KCNIP4: variants seen among roughly 807,000 people sequenced by gnomAD.
KCNIP4 encodes the protein Kv channel-interacting protein 4.
KCNIP4 carries 12 observed loss-of-function variants against 34.0 expected under a neutral mutation model. The observed-to-expected ratio is 0.35, with a 90% confidence interval of 0.23 to 0.57. The LOEUF is 0.57. Among genes scored for constraint, KCNIP4 ranks in the 20% least tolerant of loss-of-function variants. The pLI is 0.83. For synonymous variants in KCNIP4, 124 were observed against 102.2 expected (o/e 1.21, Z -1.29); for missense variants, 238 against 311.7 (o/e 0.76, Z 1.78).
chr4:21,489,518 C>A (rs1054049881), intron 1 of KCNIP4, among the ~76,000 whole-genome samples: 2 of 152,006 alleles, frequency 1.3e-5, no homozygotes, highest in African/African-American at 4.8e-5. Flanking sequence ...TCTTATTATT[C>A]TGTAGTCCCA....
intron 1 of KCNIP4, among the ~76,000 whole-genome samples, chr4:21,305,191 A>G (rs983071): frequency 0.055 from 8,319 of 152,222 alleles, 291 homozygotes; most frequent in Middle Eastern, 0.12. Context: ...AAAAGAAATG[A>G]GGCAAAAAGG....
At chr4:21,355,200 G>A (rs1202728006) in intron 1 of KCNIP4, among the ~76,000 whole-genome samples, 1 of 152,152 alleles carries the variant, frequency 6.6e-6, no homozygotes, top group African/African-American at 2.4e-5. Flanking sequence ...GAGAAAGCAG[G>A]AAAGGTCTAA....
intron 1 of KCNIP4, among the ~76,000 whole-genome samples, chr4:21,181,592 T>C (rs1228468521): frequency 6.6e-6 from 1 of 152,132 alleles, no homozygotes; most frequent in Non-Finnish European, 1.5e-5. Flanking sequence ...TATAATGAGC[T>C]GTGAAGCTTC....
intron 1 of KCNIP4, among the ~76,000 whole-genome samples, chr4:21,757,299 GAA>G (rs1717731435): frequency 6.7e-6 from 1 of 148,982 alleles, no homozygotes; most frequent in Non-Finnish European, 1.5e-5. Flanking sequence ...GAAAAGAAAA[GAA>G]AAGAGAAAAG....
chr4:21,386,861 C>A (rs74466727), intron 1 of KCNIP4, among the ~76,000 whole-genome samples: 1 of 152,262 alleles, frequency 6.6e-6, no homozygotes, highest in African/African-American at 2.4e-5. Context: ...GCCTCAAAAT[C>A]TTCAAGGAAA....
At chr4:20,983,980 T>TA in intron 1 of KCNIP4, 6 of 1,528,182 alleles carry the variant, frequency 3.9e-6, no homozygotes, top group Non-Finnish European at 5.2e-6. Flanking sequence ...TGGAGGGAGT[T>TA]AATTACAGAA....
At chr4:21,145,308 G>A (rs1018232300) in intron 1 of KCNIP4, among the ~76,000 whole-genome samples, 1 of 152,090 alleles carries the variant, frequency 6.6e-6, no homozygotes, top group Non-Finnish European at 1.5e-5. Flanking sequence ...GCAATGGAAG[G>A]TCTAACAAAT....
chr4:20,981,815 C>T (rs1316384165), intron 1 of KCNIP4, among the ~76,000 whole-genome samples: 1 of 152,160 alleles, frequency 6.6e-6, no homozygotes, highest in Non-Finnish European at 1.5e-5. Context: ...GAACATTTCA[C>T]ATAATATCTA....
chr4:21,646,507 A>AT (rs1188794504), intron 1 of KCNIP4, among the ~76,000 whole-genome samples: 1 of 152,232 alleles, frequency 6.6e-6, no homozygotes, highest in Non-Finnish European at 1.5e-5. Context: ...TCGCTATAGA[A>AT]TAGCGCTAAA....
intron 1 of KCNIP4, among the ~76,000 whole-genome samples, chr4:21,589,292 A>G (rs1481407827): frequency 2.1e-5 from 3 of 141,454 alleles, no homozygotes; most frequent in Admixed American, 7.0e-5. Flanking sequence ...ATACATATAT[A>G]TGTGTATAGA....
At chr4:21,861,249 A>G (rs964583215) in intron 1 of KCNIP4, among the ~76,000 whole-genome samples, 5 of 152,254 alleles carry the variant, frequency 3.3e-5, no homozygotes, top group African/African-American at 1.2e-4. Context: ...AACAGAACTC[A>G]CTGGTTTCAA....
chr4:21,376,843 C>A (rs761415026), intron 1 of KCNIP4, among the ~76,000 whole-genome samples: 5 of 152,178 alleles, frequency 3.3e-5, no homozygotes, highest in Non-Finnish European at 5.9e-5. Context: ...TTAAATGCCA[C>A]AGCAGTGCCA....
chr4:20,839,399 C>G (rs1230430066), intron 3 of KCNIP4, among the ~76,000 whole-genome samples: 1 of 151,098 alleles, frequency 6.6e-6, no homozygotes, highest in Non-Finnish European at 1.5e-5. Flanking sequence ...TATATCTATA[C>G]ACATAGATAT....
intron 1 of KCNIP4, among the ~76,000 whole-genome samples, chr4:21,371,500 T>C (rs1316275640): frequency 6.8e-6 from 1 of 146,988 alleles, no homozygotes; most frequent in East Asian, 2.0e-4. Flanking sequence ...TCTGTGAGCT[T>C]GAGCATGATC....
chr4:20,867,523 C>G (rs1722998078), intron 2 of KCNIP4, among the ~76,000 whole-genome samples: 2 of 152,034 alleles, frequency 1.3e-5, no homozygotes, highest in Admixed American at 1.3e-4. Context: ...CTAAAGTTAA[C>G]TCGAAATGGA....
At chr4:20,988,474 G>GT (rs1462525200) in intron 1 of KCNIP4, among the ~76,000 whole-genome samples, 2 of 152,006 alleles carry the variant, frequency 1.3e-5, no homozygotes, top group South Asian at 2.1e-4. Context: ...ATTTTTCCTT[G>GT]TTTTTTATAG....
chr4:20,925,997 C>CA lies in KCNIP4; in HGVS notation c.62-43289dup, dbSNP rs1434803577. Among the ~76,000 whole-genome samples, 11 of 152,330 alleles carry CA rather than the reference C, an allele frequency of 7.2e-5. 1 individual carries two copies. Among genetic ancestry groups the CA allele is most frequent in the Admixed American group, 2.0e-4 (3 of 15,302 alleles). ...CCCAAAGTTGTTTTTGGGGCCTGGT[C>CA]ACATAGGTGCTCTCTGCCCAAGATT... On this transcript the variant is annotated intron_variant, in intron 1 of 8. Transcript: ENST00000382152.
At chr4:20,913,276 C>T (rs1728500838) in intron 1 of KCNIP4, among the ~76,000 whole-genome samples, 1 of 151,798 alleles carries the variant, frequency 6.6e-6, no homozygotes, top group Admixed American at 6.6e-5. Context: ...AAAAAGAAGT[C>T]CGACTCAAAA....
chr4:21,910,014 A>T (rs1446989930), intron 1 of KCNIP4, among the ~76,000 whole-genome samples: 2 of 152,212 alleles, frequency 1.3e-5, no homozygotes, highest in East Asian at 3.9e-4. Context: ...CAGCCAAACC[A>T]TATCACATAC....
Sources: allele counts gnomAD v4.1 joint callset (sites outside exome capture counted in the v4.1 genomes callset), GRCh38; gene constraint gnomAD v4.1.1; transcripts MANE v1.5; gene names NCBI Gene and HGNC (gene_info 2026-07-23, HGNC 2026-07-21).